The following ITM2C variants were observed in gnomAD, a reference collection of about 807,000 sequenced individuals.
ITM2C encodes BRICHOS domain containing 2C.
ITM2C carries 20 observed loss-of-function variants against 30.0 expected under a neutral mutation model. The observed-to-expected ratio is 0.67, with a 90% CI of 0.47 to 0.97. The LOEUF is 0.97. ITM2C is among the 50% of genes least tolerant of loss of function. The pLI, the probability that ITM2C is intolerant of heterozygous loss-of-function variation, is 0.00. For missense variants in ITM2C, 366 were observed against 371.9 expected (o/e 0.98, Z 0.13); for synonymous variants, 167 against 156.4 (o/e 1.07, Z -0.51).
chr2:230,879,059 C>G lies in ITM2C; in HGVS notation c.*960C>G, dbSNP rs1489092815. ...AGGGGAATGCACCTTTTTCCCTTTC[C>G]TTCTCACTTTTGCATGTTTTTACTG... On this transcript the variant is annotated 3_prime_UTR_variant, in exon 6 of 6. Coordinates refer to ENST00000326427, the MANE Select transcript of ITM2C (RefSeq NM_030926.6). The G allele has an allele frequency of 6.6e-6, 1 of 152,408 alleles. No individual in the cohort carries two copies. Among genetic ancestry groups the G allele is most frequent in the African/African-American group, 2.4e-5 (1 of 41,370 alleles). 9.4% of individuals were successfully genotyped at this position (152,408 alleles called of 1,614,324 possible). A position where few individuals can be genotyped will look rare whatever the true frequency, so the allele number is the denominator to read the frequency against.
chr2:230,876,146 T>C (rs114158713), intron 3 of ITM2C, among the ~76,000 whole-genome samples: 1,647 of 152,276 alleles, frequency 0.011, 30 homozygotes, highest in African/African-American at 0.037. Flanking sequence ...TGCGTATTCA[T>C]GTAACCCCCA....
rs1342991753 is a variant in ITM2C at position 230,871,015 on chromosome 2, CGGCTGATAAAG to C, written c.121-2401_121-2391del. 7.2e-5 allele frequency among the ~76,000 whole-genome samples: 11 copies of C among 152,320 alleles called. No individual in the cohort carries two copies. The South Asian group carries it at 8.3e-4, about 11-fold the overall frequency. ...GAGTCAGCCCTAAAAAGGAAAGGCTCGGCTGATAAAGATCTGCTATTTTTATCTAGCACTTG... is the reference window on the plus strand; with the variant it reads ...GAGTCAGCCCTAAAAAGGAAAGGCTCATCTGCTATTTTTATCTAGCACTTG... On this transcript the variant is annotated intron_variant, in intron 1 of 5. Transcript: ENST00000326427.
intron 1 of ITM2C, among the ~76,000 whole-genome samples, chr2:230,869,775 C>T (rs1408798202): frequency 6.6e-6 from 1 of 152,170 alleles, no homozygotes; most frequent in Non-Finnish European, 1.5e-5. Context: ...TTGGCCCTGG[C>T]TTTGGTAAAT....
chr2:230,873,554 G>A lies in ITM2C; in HGVS notation c.258G>A (p.Ala86=), dbSNP rs2289233. The A allele has an allele frequency of 0.49, 783,220 of 1,599,038 alleles. 198,256 individuals are homozygous for A. Among genetic ancestry groups the A allele is most frequent in the East Asian group, 0.79 (34,794 of 44,048 alleles). The change falls in exon 2 of 6, where the codon GCG becomes GCA. Residue 86 remains alanine (A), a synonymous_variant. Coordinates refer to ENST00000326427, the MANE Select transcript of ITM2C (RefSeq NM_030926.6). The part of the protein sequence containing the change: ...SVYIYRYFFL[A]QLARDNFFRC... Reference sequence around the variant, plus strand: ...ACATCTACAGATACTTCTTCCTTGCGCAGGTGAGGGGCCGGGCCAGGTAGG... The same window carrying A: ...ACATCTACAGATACTTCTTCCTTGCACAGGTGAGGGGCCGGGCCAGGTAGG...
Position 230,877,998 on chromosome 2 carries a change from T to C in ITM2C, c.713-10T>C. On this transcript the variant is annotated splice_polypyrimidine_tract_variant and intron_variant, in intron 5 of 5. Coordinates refer to ENST00000326427, the MANE Select transcript of ITM2C (RefSeq NM_030926.6). The surrounding 1 kb of genome is among the most constrained non-coding windows in gnomAD (Gnocchi z 4.8). ...GCAGGGCTCACTGGGGTTTTTCTTT[T>C]TCCTCCCAGGGATCAACAAGCGTGG... 6.2e-7 allele frequency: 1 copy of C among 1,611,952 alleles called. No homozygotes were observed. The highest frequency in any genetic ancestry group is 8.5e-7 in the Non-Finnish European group (1 of 1,178,530).
rs755669440 is a variant in ITM2C, at chr2:230,877,572, C to T, written c.712+22C>T. The T allele has an allele frequency of 6.2e-7, 1 of 1,612,192 alleles. No homozygotes were observed. Among genetic ancestry groups the T allele is most frequent in the Non-Finnish European group, 8.5e-7 (1 of 1,179,720 alleles). On this transcript the variant is annotated intron_variant, in intron 5 of 5. Coordinates refer to ENST00000326427, the MANE Select transcript of ITM2C (RefSeq NM_030926.6). The surrounding 1 kb of genome is among the most constrained non-coding windows in gnomAD (Gnocchi z 4.8). ...AGGCGTGAGTGGCTGGCTTCACCCA[C>T]AGTAGCCCCTGTCCCGTGCCCCAGA... is the stretch of plus-strand genomic sequence containing the variant.
chr2:230,868,257 C>A (rs1335415082), intron 1 of ITM2C, among the ~76,000 whole-genome samples: 1 of 152,014 alleles, frequency 6.6e-6, no homozygotes, highest in Non-Finnish European at 1.5e-5. Flanking sequence ...GCTGCCCGGC[C>A]TCCCCCCCTG....
intron 1 of ITM2C, 57 bp from the exon 2 acceptor site, chr2:230,873,360 G>A (rs1006834512): frequency 6.9e-7 from 1 of 1,454,064 alleles, no homozygotes; most frequent in Non-Finnish European, 9.1e-7. Flanking sequence ...CTTAGGGAAG[G>A]GGGGATTTCC....
At chr2:230,872,472 C>A (rs1697189891) in intron 1 of ITM2C, among the ~76,000 whole-genome samples, 1 of 152,288 alleles carries the variant, frequency 6.6e-6, no homozygotes, top group East Asian at 1.9e-4. Context: ...ACGTCCACCA[C>A]CCCACACATG....
chr2:230,875,843 GAGGGTGT>G, intron 3 of ITM2C, 35 bp downstream of exon 3: 2 of 317,804 alleles, frequency 6.3e-6, no homozygotes, highest in East Asian at 8.4e-5. Flanking sequence ...TGGGGGGTGG[GAGGGTGT>G]CCCGGGGACT....
In ITM2C at chr2:230,876,947, G is replaced by A. The variant is rs1188947371; in HGVS notation, c.541G>A (p.Glu181Lys). 6.2e-7 allele frequency: 1 copy of A among 1,613,070 alleles called. No individual in the cohort carries two copies. The highest frequency in any genetic ancestry group is 1.7e-5 in the Admixed American group (1 of 59,998). Residue 181 changes from glutamate to lysine, a missense_variant, in exon 4 of 6, where the codon GAG (glutamate) becomes AAG (lysine). Transcript: ENST00000326427. The stretch of plus-strand genomic sequence containing the variant: ...TGTGCTGCCCCCTCGCAACTTCTGG[G>A]AGCTCCTCATGAACGTGAAGGTGCG... ...TIVLPPRNFW[E>K]LLMNVKRGTY...
Position 230,876,841 on chromosome 2 carries a change from C to T in ITM2C, c.451-16C>T, listed in dbSNP as rs777122566. The T allele has an allele frequency of 2.4e-5, 38 of 1,580,524 alleles. No homozygotes were observed. Among genetic ancestry groups the T allele is most frequent in the African/African-American group, 4.0e-5 (3 of 74,180 alleles). On this transcript the variant is annotated splice_polypyrimidine_tract_variant and intron_variant, in intron 3 of 5. Transcript: ENST00000326427. ...TCACCTCCTGCAGAGACTGACCCAA[C>T]CCCTTCTCCTGCCAGGGTCTGACTG...
rs1366151054 is a variant in ITM2C, at chr2:230,877,301, A to AT, written c.562-99_562-98insT. 7.8e-7 allele frequency: 1 copy of AT among 1,277,162 alleles called. No homozygotes were observed. The allele number at this position is 1,277,162 out of a possible 1,614,324, so 79.1% of individuals were successfully genotyped here. A position where few individuals can be genotyped will look rare whatever the true frequency, so the allele number is the denominator to read the frequency against. On this transcript the variant is annotated intron_variant, in intron 4 of 5. Coordinates refer to ENST00000326427, the MANE Select transcript of ITM2C (RefSeq NM_030926.6). The surrounding 1 kb of genome is among the most constrained non-coding windows in gnomAD (Gnocchi z 4.8). ...CTGAGGACATCAGAAGGGCCAGCCC[A>AT]GGGGCCTCTGGAGGAGGGAGGTGGG...
intron 2 of ITM2C, 47 bp downstream of exon 2, chr2:230,873,604 G>A (rs759574390): frequency 2.0e-6 from 3 of 1,535,854 alleles, no homozygotes; most frequent in Admixed American, 4.0e-5. Context: ...AAAGGGTCAT[G>A]TCTAGAGAGG....
chr2:230,873,614 G>A (rs1288546603), intron 2 of ITM2C, 57 bp downstream of exon 2: 16 of 1,508,480 alleles, frequency 1.1e-5, no homozygotes, highest in Non-Finnish European at 1.3e-5. Flanking sequence ...GTCTAGAGAG[G>A]CATGGAGGGA....
At chr2:230,870,532 T>C (rs556096839) in intron 1 of ITM2C, among the ~76,000 whole-genome samples, 8 of 152,236 alleles carry the variant, frequency 5.3e-5, no homozygotes, top group African/African-American at 1.9e-4. Context: ...GCAGTCTAGG[T>C]AAGGTGGGGG....
intron 1 of ITM2C, among the ~76,000 whole-genome samples, chr2:230,869,148 C>G (rs1697103226): frequency 6.6e-6 from 1 of 152,226 alleles, no homozygotes; most frequent in Non-Finnish European, 1.5e-5. Context: ...TCCAAGTTCC[C>G]TCTCCCCATG....
At chr2:230,868,261 C>T (rs1026644315) in intron 1 of ITM2C, among the ~76,000 whole-genome samples, 3 of 152,044 alleles carry the variant, frequency 2.0e-5, no homozygotes, top group African/African-American at 7.3e-5. Flanking sequence ...CCCGGCCTCC[C>T]CCCCTGGTGT....
chr2:230,878,081 C>T lies in ITM2C; in HGVS notation c.786C>T (p.Leu262=). 1 of 1,597,080 alleles carries T rather than the reference C, an allele frequency of 6.3e-7. No individual in the cohort carries two copies. The highest frequency in any genetic ancestry group is 1.3e-5 in the African/African-American group (1 of 74,534). The part of the protein sequence containing the change: ...HFENTFVVET[L]ICGVV ...AGAACACCTTCGTGGTGGAGACGCT[C>T]ATCTGCGGGGTGGTGTGAGGCCCTC... Residue 262 remains leucine (L), a synonymous_variant, in exon 6 of 6, where the codon CTC becomes CTT. Transcript: ENST00000326427. The surrounding 1 kb of genome is among the most constrained non-coding windows in gnomAD (Gnocchi z 4.5).
Sources: gnomAD v4.1 joint callset for allele counts (sites outside exome capture counted in the v4.1 genomes callset) on GRCh38, gnomAD v4.1.1 for gene constraint, Gnocchi (gnomAD v3.1) non-coding constraint, MANE v1.5 for transcripts, NCBI Gene and HGNC (gene_info 2026-07-23, HGNC 2026-07-21) for gene names.